Variants in PLAC1 observed in about 807,000 individuals in gnomAD.
PLAC1 encodes placenta associated 1.
For missense variants in PLAC1, 136 were observed against 163.2 expected (o/e 0.83, Z 0.91); for synonymous variants, 68 against 62.1 (o/e 1.09, Z -0.44).
chrX:134,706,402 A>G (rs2078604832), intron 2 of PLAC1, among the ~76,000 whole-genome samples: 1 of 112,386 alleles, frequency 8.9e-6, no homozygotes, highest in Non-Finnish European at 1.9e-5. Context: ...TCCAGCTGGC[A>G]GTAATGAGGT....
intron 2 of PLAC1, among the ~76,000 whole-genome samples, chrX:134,693,409 G>A (rs945219142): frequency 1.8e-5 from 2 of 112,431 alleles, no homozygotes; most frequent in Non-Finnish European, 3.8e-5. Context: ...TAATATTGAG[G>A]CTTTTATGCT....
chrX:134,675,855 C>T (rs1488067023), intron 2 of PLAC1, among the ~76,000 whole-genome samples: 1 of 111,412 alleles, frequency 9.0e-6, no homozygotes, highest in Non-Finnish European at 1.9e-5. Flanking sequence ...TTGCTCAACC[C>T]TCTGCTGTTC....
At chrX:134,588,832 C>T (rs1602806860) in intron 2 of PLAC1, among the ~76,000 whole-genome samples, 1 of 111,057 alleles carries the variant, frequency 9.0e-6, no homozygotes. Context: ...AGCAACAGCT[C>T]CGGTGTCAGG....
At chrX:134,725,321 C>G (rs1465889853) in intron 2 of PLAC1, among the ~76,000 whole-genome samples, 1 of 111,023 alleles carries the variant, frequency 9.0e-6, no homozygotes, top group Non-Finnish European at 1.9e-5. Context: ...TACCCCCTCT[C>G]TTCACTGGAG....
intron 2 of PLAC1, among the ~76,000 whole-genome samples, chrX:134,705,312 G>A (rs1487760363): frequency 8.7e-5 from 9 of 103,810 alleles, no homozygotes; most frequent in Non-Finnish European, 1.6e-4. Context: ...CCAGCTACTC[G>A]GGAGGCTGAG....
At chrX:134,749,013 G>T (rs1465602212) in intron 1 of PLAC1, among the ~76,000 whole-genome samples, 1 of 112,006 alleles carries the variant, frequency 8.9e-6, no homozygotes, top group African/African-American at 3.3e-5. Context: ...AGAGTGTTAG[G>T]CTGCAATGAA....
At chrX:134,744,283 A>G (rs4543704) in intron 1 of PLAC1, among the ~76,000 whole-genome samples, 1 of 106,047 alleles carries the variant, frequency 9.4e-6, no homozygotes, top group African/African-American at 3.4e-5. Flanking sequence ...CTCCATCTCA[A>G]AAAAAAAAAA....
intron 2 of PLAC1, among the ~76,000 whole-genome samples, chrX:134,567,724 C>T (rs566018645): frequency 9.9e-6 from 1 of 101,413 alleles, no homozygotes; most frequent in South Asian, 4.6e-4. Context: ...TGCCACTGCA[C>T]TCCAGCCTGG....
intron 1 of PLAC1, among the ~76,000 whole-genome samples, chrX:134,758,614 C>T (rs1265680839): frequency 1.8e-5 from 2 of 111,636 alleles, no homozygotes; most frequent in Non-Finnish European, 1.9e-5. Context: ...AAATTGGACC[C>T]CTATCTCTTA....
chrX:134,729,905 C>T (rs776600260), intron 2 of PLAC1, among the ~76,000 whole-genome samples: 50 of 110,923 alleles, frequency 4.5e-4, no homozygotes, highest in Non-Finnish European at 6.6e-4. Context: ...GATTCTCCTG[C>T]CTTAGCCTCC....
At chrX:134,607,520 C>A in intron 1 of PLAC1, 1 of 170,923 alleles carries the variant, frequency 5.9e-6, no homozygotes. Context: ...GAGAAAGGTA[C>A]CTGGGTTCAA....
intron 2 of PLAC1, among the ~76,000 whole-genome samples, chrX:134,584,188 T>A (rs2077988658): frequency 9.0e-6 from 1 of 111,390 alleles, no homozygotes; most frequent in South Asian, 3.8e-4. Context: ...TTTGCACAGA[T>A]CACATGCAAC....
chrX:134,600,247 G>T (rs1216580067), intron 2 of PLAC1, among the ~76,000 whole-genome samples: 1 of 111,057 alleles, frequency 9.0e-6, no homozygotes, highest in South Asian at 3.8e-4. Flanking sequence ...GCCCAGGCTG[G>T]TCTGGAACTT....
At position 134,566,532 on chromosome X, in the gene PLAC1, G is replaced by A. The variant is rs771200162; in HGVS notation, c.151C>T (p.His51Tyr). 12 of 1,210,342 alleles carry A rather than the reference G, an allele frequency of 9.9e-6. No homozygotes were observed. Among genetic ancestry groups the A allele is most frequent in the Non-Finnish European group, 1.3e-5 (12 of 895,223 alleles). The part of the protein sequence containing the change: ...PFMLNNDVCV[H>Y]FHELHLGLGC... ...AGGCCCAAGTGTAGTTCATGAAAGT[G>A]TACACACACATCGTTGTTTAGCATG... Residue 51 changes from histidine to tyrosine, a missense_variant, in exon 3 of 3, where the codon CAC (histidine) becomes TAC (tyrosine). By Grantham distance (83) the His-to-Tyr change is moderately conservative. Coordinates refer to ENST00000359237, the MANE Select transcript of PLAC1 (RefSeq NM_021796.4).
At chrX:134,617,452 G>A (rs760170734) in intron 1 of PLAC1, among the ~76,000 whole-genome samples, 2 of 112,148 alleles carry the variant, frequency 1.8e-5, no homozygotes, top group Admixed American at 1.9e-4. Flanking sequence ...TGATTATGAT[G>A]TTAGCTGCAG....
At chrX:134,574,689 A>G (rs185951687) in intron 2 of PLAC1, among the ~76,000 whole-genome samples, 65 of 111,931 alleles carry the variant, frequency 5.8e-4, no homozygotes, top group Admixed American at 1.1e-3. Context: ...TCCTCTGGAA[A>G]GAAGACAAAG....
At chrX:134,637,027 C>T (rs974350542) in intron 1 of PLAC1, among the ~76,000 whole-genome samples, 4 of 112,495 alleles carry the variant, frequency 3.6e-5, no homozygotes, top group Non-Finnish European at 7.5e-5. Context: ...GAACTGCCAA[C>T]CCAAATGAAA....
intron 2 of PLAC1, among the ~76,000 whole-genome samples, chrX:134,715,794 T>C (rs2078641805): frequency 8.9e-6 from 1 of 112,538 alleles, no homozygotes. Context: ...TGACACTAGG[T>C]TCCACTAAGA....
chrX:134,739,801 A>G, intron 1 of PLAC1, among the ~76,000 whole-genome samples: 1 of 112,654 alleles, frequency 8.9e-6, no homozygotes. Context: ...GATTTCAAAG[A>G]TTAATTATAA....
Sources: allele counts gnomAD v4.1 joint callset (sites outside exome capture counted in the v4.1 genomes callset), GRCh38; gene constraint gnomAD v4.1.1; transcripts MANE v1.5; gene names NCBI Gene and HGNC (gene_info 2026-07-23, HGNC 2026-07-21).